The following PRKN variants were observed in gnomAD, a reference collection of about 807,000 sequenced individuals.
PRKN encodes the protein E3 ubiquitin-protein ligase parkin.
PRKN carries 56 observed loss-of-function variants against 59.5 expected under a neutral mutation model. The observed-to-expected ratio is 0.94, with a 90% CI of 0.76 to 1.18. The LOEUF (loss-of-function observed/expected upper bound fraction) is 1.18, where lower values mean the gene tolerates loss of function less well. PRKN is among the 50% of genes most tolerant of loss of function. PRKN has a pLI of 0.00. For synonymous variants in PRKN, 250 were observed against 222.1 expected (o/e 1.13, Z -1.12); for missense variants, 657 against 596.4 (o/e 1.10, Z -1.06).
intron 6 of PRKN, among the ~76,000 whole-genome samples, chr6:161,929,739 A>G (rs1035210864): frequency 6.6e-6 from 1 of 151,920 alleles, no homozygotes; most frequent in African/African-American, 2.4e-5. Flanking sequence ...CTGGTCTCGA[A>G]CTGACCACAA....
intron 9 of PRKN, among the ~76,000 whole-genome samples, chr6:161,434,528 G>A (rs762826924): frequency 4.6e-5 from 7 of 152,122 alleles, no homozygotes; most frequent in Non-Finnish European, 5.9e-5. Flanking sequence ...CCAAGGCTGG[G>A]GTGTGCGCTG....
At chr6:161,614,154 C>A (rs1289925159) in intron 7 of PRKN, among the ~76,000 whole-genome samples, 1 of 152,190 alleles carries the variant, frequency 6.6e-6, no homozygotes, top group Non-Finnish European at 1.5e-5. Flanking sequence ...TCAGCCACAT[C>A]TCTCTGGTTG....
chr6:161,757,730 C>T (rs530945759), intron 7 of PRKN, among the ~76,000 whole-genome samples: 12 of 151,286 alleles, frequency 7.9e-5, no homozygotes, highest in East Asian at 7.9e-4. Flanking sequence ...CCCAGCTACT[C>T]GGGGGGCTGA....
intron 9 of PRKN, among the ~76,000 whole-genome samples, chr6:161,537,269 T>C (rs1156657063): frequency 6.6e-6 from 1 of 152,152 alleles, no homozygotes; most frequent in African/African-American, 2.4e-5. Context: ...TCAGGACACA[T>C]CCATTCCAAG....
intron 1 of PRKN, among the ~76,000 whole-genome samples, chr6:162,504,328 C>G (rs1164859413): frequency 2.0e-5 from 3 of 152,276 alleles, no homozygotes; most frequent in Non-Finnish European, 2.9e-5. Context: ...AAGCCATGAC[C>G]CTGGAAGACA....
chr6:162,389,560 C>A (rs930522134), intron 2 of PRKN, among the ~76,000 whole-genome samples: 1 of 152,046 alleles, frequency 6.6e-6, no homozygotes, highest in East Asian at 1.9e-4. Flanking sequence ...AAAAGGTGTC[C>A]GATGATTCAT....
chr6:162,193,335 C>A (rs988399813), intron 4 of PRKN, among the ~76,000 whole-genome samples: 2 of 152,220 alleles, frequency 1.3e-5, no homozygotes, highest in Non-Finnish European at 2.9e-5. Context: ...CAGCTAGATA[C>A]CATTTTACTT....
chr6:161,787,714 A>G (rs137921066), intron 6 of PRKN, among the ~76,000 whole-genome samples: 1 of 152,360 alleles, frequency 6.6e-6, no homozygotes, highest in African/African-American at 2.4e-5. Context: ...TGGGAGGCTG[A>G]GGCAGGCGGA....
At chr6:162,534,750 G>A (rs1380165098) in intron 1 of PRKN, among the ~76,000 whole-genome samples, 4 of 152,074 alleles carry the variant, frequency 2.6e-5, no homozygotes, top group Admixed American at 6.6e-5. Flanking sequence ...TGCCCCTCCA[G>A]CTGCCTGCAG....
At chr6:161,477,192 C>T (rs966517282) in intron 9 of PRKN, among the ~76,000 whole-genome samples, 6 of 152,136 alleles carry the variant, frequency 3.9e-5, no homozygotes, top group Non-Finnish European at 5.9e-5. Flanking sequence ...TTCTTGCAGG[C>T]GATCAGCAGC....
At chr6:162,231,661 T>G (rs903403640) in intron 3 of PRKN, among the ~76,000 whole-genome samples, 1 of 152,106 alleles carries the variant, frequency 6.6e-6, no homozygotes, top group Non-Finnish European at 1.5e-5. Flanking sequence ...CCTAGGAAAA[T>G]CATACTTGTG....
intron 2 of PRKN, among the ~76,000 whole-genome samples, chr6:162,397,847 G>T (rs1787552189): frequency 6.6e-6 from 1 of 151,958 alleles, no homozygotes; most frequent in Admixed American, 6.6e-5. Flanking sequence ...GAACAGCCTG[G>T]CCAATGTAGT....
intron 2 of PRKN, among the ~76,000 whole-genome samples, chr6:162,344,052 G>C (rs751723568): frequency 3.9e-5 from 6 of 152,180 alleles, no homozygotes; most frequent in Non-Finnish European, 7.3e-5. Context: ...TCAGCCATCT[G>C]CTGTTGGCTC....
Position 161,360,027 on chromosome 6 carries a change from G to A in PRKN, c.1285+61C>T. On this transcript the variant is annotated intron_variant, in intron 11 of 11. Transcript: ENST00000366898. This position sits in a 1 kb window ranked among gnomAD's most constrained non-coding sequence, Gnocchi z 5.1. ...CTCCTTTAATCCTGGAATCCCTGAT[G>A]GGTATGATTCTCCCCCAAAGAGCAC... The A allele has an allele frequency of 8.2e-7, 1 of 1,218,110 alleles. No individual in the cohort carries two copies. Among genetic ancestry groups the A allele is most frequent in the South Asian group, 1.2e-5 (1 of 83,126 alleles). The allele number at this position is 1,218,110 out of a possible 1,614,324, so 75.5% of individuals were successfully genotyped here.
intron 6 of PRKN, among the ~76,000 whole-genome samples, chr6:161,921,750 A>G (rs535148170): frequency 6.6e-6 from 1 of 152,314 alleles, no homozygotes; most frequent in Non-Finnish European, 1.5e-5. Context: ...TGTAGCCTGT[A>G]GCTATAGGAT....
rs1786281695 is a variant in PRKN at position 161,386,965 on chromosome 6, A to C, written c.1084-88T>G. 2.9e-6 allele frequency: 3 copies of C among 1,019,094 alleles called. No homozygotes were observed. Among genetic ancestry groups the C allele is most frequent in the Non-Finnish European group, 4.7e-6 (3 of 638,364 alleles). The allele number at this position is 1,019,094 out of a possible 1,614,324, so 63.1% of individuals were successfully genotyped here. On this transcript the variant is annotated intron_variant, in intron 9 of 11. Coordinates refer to ENST00000366898, the MANE Select transcript of PRKN (RefSeq NM_004562.3). This position sits in a 1 kb window ranked among gnomAD's most constrained non-coding sequence, Gnocchi z 4.3. The stretch of plus-strand genomic sequence containing the variant: ...TTCCTTTTCCAAATTCATTATATTC[A>C]TTCCTCTGGCTTGTGCAACAGTTTC...
chr6:161,959,506 A>G (rs753815650), intron 6 of PRKN, among the ~76,000 whole-genome samples: 1 of 152,216 alleles, frequency 6.6e-6, no homozygotes, highest in Non-Finnish European at 1.5e-5. Flanking sequence ...GAGAAGTCTT[A>G]TCTTTCCCAA....
chr6:162,498,415 T>TTTTTTTTA (rs1793182661), intron 1 of PRKN, among the ~76,000 whole-genome samples: 2 of 89,948 alleles, frequency 2.2e-5, no homozygotes, highest in Non-Finnish European at 4.8e-5. Flanking sequence ...TTTTTTTTTT[T>TTTTTTTTA]GAGATGGAGT....
At chr6:162,356,263 T>C (rs2128132477) in intron 2 of PRKN, among the ~76,000 whole-genome samples, 1 of 152,282 alleles carries the variant, frequency 6.6e-6, no homozygotes, top group Non-Finnish European at 1.5e-5. Flanking sequence ...TAATCTTCTC[T>C]AACTGAAAGA....
Sources: gnomAD v4.1 joint callset for allele counts (sites outside exome capture counted in the v4.1 genomes callset) on GRCh38, gnomAD v4.1.1 for gene constraint, Gnocchi (gnomAD v3.1) non-coding constraint, MANE v1.5 for transcripts, NCBI Gene and HGNC (gene_info 2026-07-23, HGNC 2026-07-21) for gene names.